Variants in TMEM117 observed in about 807,000 individuals in gnomAD.
TMEM117 encodes the protein transmembrane protein 117.
In TMEM117, 27 loss-of-function variants were observed where a neutral mutation model predicts 52.4. That is an observed-to-expected ratio of 0.51 (90% CI 0.38 to 0.71). The LOEUF (loss-of-function observed/expected upper bound fraction) is 0.71. Ranked by LOEUF, TMEM117 falls within the 30% of genes least tolerant of loss-of-function variation. The probability of loss-of-function intolerance (pLI) is 0.00; values close to 1 mark genes in which losing one functional copy is unlikely to be tolerated. For missense variants in TMEM117, 556 were observed against 630.5 expected (o/e 0.88, Z 1.26); for synonymous variants, 215 against 206.3 (o/e 1.04, Z -0.36).
At chr12:44,336,296 A>G (rs991363916) in intron 6 of TMEM117, among the ~76,000 whole-genome samples, 5 of 152,050 alleles carry the variant, frequency 3.3e-5, no homozygotes, top group African/African-American at 9.7e-5. Context: ...AATTTTATCT[A>G]TGATTGTTTT....
At chr12:44,229,217 C>T (rs1949902954) in intron 5 of TMEM117, among the ~76,000 whole-genome samples, 1 of 151,882 alleles carries the variant, frequency 6.6e-6, no homozygotes, top group African/African-American at 2.4e-5. Context: ...TGGACAGATG[C>T]CTGCTAGCCA....
chr12:44,223,750 C>T (rs1459039591), intron 5 of TMEM117, among the ~76,000 whole-genome samples: 1 of 152,128 alleles, frequency 6.6e-6, no homozygotes. Context: ...AGTTAACTAA[C>T]TCAGCCAACC....
intron 3 of TMEM117, among the ~76,000 whole-genome samples, chr12:43,965,790 G>A (rs10785487): frequency 0.95 from 145,179 of 152,238 alleles, 69,606 homozygotes; most frequent in East Asian, 1. Context: ...GTACATGTGC[G>A]GGTTTGTTAC....
At chr12:44,260,747 ATCC>A (rs1045831829) in intron 5 of TMEM117, among the ~76,000 whole-genome samples, 6 of 152,198 alleles carry the variant, frequency 3.9e-5, no homozygotes, top group Non-Finnish European at 7.3e-5. Context: ...GTTTAAAACC[ATCC>A]TCCACCCCTT....
At chr12:43,937,679 G>T (rs1944974966) in intron 2 of TMEM117, among the ~76,000 whole-genome samples, 1 of 152,138 alleles carries the variant, frequency 6.6e-6, no homozygotes, top group Non-Finnish European at 1.5e-5. Context: ...GGACCTAGAT[G>T]TAGAAAGATA....
intron 2 of TMEM117, among the ~76,000 whole-genome samples, chr12:43,920,885 G>A (rs1030373490): frequency 1.3e-5 from 2 of 152,070 alleles, no homozygotes; most frequent in Non-Finnish European, 2.9e-5. Flanking sequence ...GATATTTGAA[G>A]TCTGTCACCC....
At chr12:44,155,650 T>C (rs1948815898) in intron 4 of TMEM117, among the ~76,000 whole-genome samples, 1 of 152,034 alleles carries the variant, frequency 6.6e-6, no homozygotes, top group Non-Finnish European at 1.5e-5. Flanking sequence ...AAACATCTGG[T>C]ATGAGATAAA....
chr12:44,075,778 A>T (rs1342841315), intron 3 of TMEM117, among the ~76,000 whole-genome samples: 1 of 151,984 alleles, frequency 6.6e-6, no homozygotes, highest in Non-Finnish European at 1.5e-5. Flanking sequence ...AAATTATAGT[A>T]CTCTTTTACA....
In TMEM117 at chr12:44,318,926, G is replaced by C. The variant is rs150008539; in HGVS notation, c.768+19187G>C. On this transcript the variant is annotated intron_variant, in intron 6 of 7. Coordinates refer to ENST00000266534, the MANE Select transcript of TMEM117 (RefSeq NM_032256.3). Reference sequence around the variant, plus strand: ...ACCATGATCTCAGGTGAGCAGGATGGAGCTCCCAGCAAGGTCACACACAGG... The same window carrying C: ...ACCATGATCTCAGGTGAGCAGGATGCAGCTCCCAGCAAGGTCACACACAGG... 5.3e-5 allele frequency among the ~76,000 whole-genome samples: 8 copies of C among 152,318 alleles called. No individual in the cohort carries two copies. In the South Asian group the frequency reaches 6.2e-4, roughly 12 times the overall value.
At chr12:43,954,549 G>T (rs930847906) in intron 3 of TMEM117, among the ~76,000 whole-genome samples, 2 of 152,084 alleles carry the variant, frequency 1.3e-5, no homozygotes, top group Non-Finnish European at 2.9e-5. Context: ...AAATCTAGAA[G>T]AAATGGATAA....
At chr12:43,877,559 C>T (rs946609258) in intron 2 of TMEM117, among the ~76,000 whole-genome samples, 2 of 150,820 alleles carry the variant, frequency 1.3e-5, no homozygotes, top group Non-Finnish European at 2.9e-5. Flanking sequence ...CACTTGAACC[C>T]GGGAGGTGGA....
chr12:44,214,074 T>C (rs1217167946), intron 5 of TMEM117, among the ~76,000 whole-genome samples: 1 of 151,930 alleles, frequency 6.6e-6, no homozygotes, highest in African/African-American at 2.4e-5. Flanking sequence ...ATTAATATGA[T>C]TTTTTCTTTG....
intron 3 of TMEM117, among the ~76,000 whole-genome samples, chr12:44,018,541 AAACT>A (rs1946406444): frequency 6.6e-6 from 1 of 152,180 alleles, no homozygotes; most frequent in African/African-American, 2.4e-5. Context: ...TTAGATTATG[AAACT>A]AACTTTTTGC....
At chr12:43,797,730 C>G in the TMEM117 span, 1 of 1,612,546 alleles carries the variant, frequency 6.2e-7, no homozygotes, top group Non-Finnish European at 8.5e-7. Context: ...GTTGAGCTGT[C>G]TATTATTCAA....
At chr12:43,987,194 A>T (rs1369242631) in intron 3 of TMEM117, among the ~76,000 whole-genome samples, 4 of 152,208 alleles carry the variant, frequency 2.6e-5, no homozygotes, top group African/African-American at 9.6e-5. Context: ...AGTGTGGAAC[A>T]CACACCAAGA....
At chr12:44,265,404 A>G (rs1950365887) in intron 5 of TMEM117, among the ~76,000 whole-genome samples, 1 of 152,102 alleles carries the variant, frequency 6.6e-6, no homozygotes, top group African/African-American at 2.4e-5. Context: ...TTTAAGTTTA[A>G]AAGGTCATTT....
At chr12:44,244,439 A>G (rs1481641825) in intron 5 of TMEM117, 14 of 151,888 alleles carry the variant, frequency 9.2e-5, no homozygotes, top group Non-Finnish European at 1.5e-4. Context: ...CCATAATCCA[A>G]TAATTTTTAT....
the TMEM117 span, among the ~76,000 whole-genome samples, chr12:43,813,670 A>G: frequency 1.3e-5 from 2 of 151,980 alleles, no homozygotes; most frequent in Admixed American, 1.3e-4. Flanking sequence ...AGTGTTTTCT[A>G]CACTCTCAAA....
intron 3 of TMEM117, among the ~76,000 whole-genome samples, chr12:44,058,176 T>G (rs923570047): frequency 1.3e-5 from 2 of 152,158 alleles, no homozygotes; most frequent in South Asian, 4.1e-4. Flanking sequence ...ATCATACATG[T>G]TATTGACATC....
Sources: allele counts gnomAD v4.1 joint callset (sites outside exome capture counted in the v4.1 genomes callset), GRCh38; gene constraint gnomAD v4.1.1; transcripts MANE v1.5; gene names NCBI Gene and HGNC (gene_info 2026-07-23, HGNC 2026-07-21).